Variants in PCDH11Y observed in about 807,000 individuals in gnomAD.
PCDH11Y encodes the protein protocadherin-11 Y-linked.
For synonymous variants in PCDH11Y, 9 were observed against 83.6 expected, an observed-to-expected ratio of 0.11 and a Z score of 4.87; for missense variants, 12 against 224.8, an observed-to-expected ratio of 0.05 and a Z score of 6.05.
downstream of PCDH11Y, among the ~76,000 whole-genome samples, chrY:5,108,663 C>T: frequency 7.4e-5 from 2 of 26,971 alleles, no homozygotes; most frequent in Non-Finnish European, 1.7e-4. Context: ...AGGAGAATGG[C>T]ACGAACCCGG....
chrY:5,534,734 T>C (rs2053398329), intron 3 of PCDH11Y, among the ~76,000 whole-genome samples: 23 of 33,433 alleles, frequency 6.9e-4, no homozygotes, highest in African/African-American at 2.7e-3. Context: ...GACTGCTGGG[T>C]CAAACGGTAA....
chrY:5,547,265 CTATCTATCTATCTATG>C (rs1283779449), intron 3 of PCDH11Y, among the ~76,000 whole-genome samples: 258 of 18,980 alleles, frequency 0.014, no homozygotes, highest in Non-Finnish European at 0.023. Flanking sequence ...ATCTATCTAT[CTATCTATCTATCTATG>C]TATCTATCTT....
chrY:5,501,532 G>A (rs2053354245), intron 3 of PCDH11Y, among the ~76,000 whole-genome samples: 1 of 33,196 alleles, frequency 3.0e-5, no homozygotes, highest in Non-Finnish European at 7.4e-5. Flanking sequence ...TAATTTATTT[G>A]TATATAAACA....
At chrY:5,258,416 C>CA (rs2053013774) in intron 2 of PCDH11Y, among the ~76,000 whole-genome samples, 1 of 26,634 alleles carries the variant, frequency 3.8e-5, no homozygotes, top group African/African-American at 1.4e-4. Context: ...TTTTCTTTTT[C>CA]TTTTTTTTTT....
intron 2 of PCDH11Y, among the ~76,000 whole-genome samples, chrY:5,301,637 C>G: frequency 3.0e-5 from 1 of 33,307 alleles, no homozygotes; most frequent in African/African-American, 1.2e-4. Context: ...TCTTTTTATA[C>G]ACATCATTTG....
chrY:5,496,670 A>G, intron 2 of PCDH11Y, among the ~76,000 whole-genome samples: 10 of 31,275 alleles, frequency 3.2e-4, no homozygotes, highest in Admixed American at 9.0e-4. Flanking sequence ...ATTATACTTA[A>G]GTTTTGGGAT....
intron 2 of PCDH11Y, among the ~76,000 whole-genome samples, chrY:5,189,274 T>C: frequency 2.9e-5 from 1 of 34,118 alleles, no homozygotes; most frequent in Non-Finnish European, 7.3e-5. Context: ...CATCACAGTC[T>C]TTGAATTAAA....
rs376930795 is a variant in PCDH11Y at position 5,697,473 on chromosome Y, T to A, written c.3353-39799T>A. Among the ~76,000 whole-genome samples the A allele has an allele frequency of 0.013, 441 of 33,033 alleles. No individual in the cohort carries two copies. In the Middle Eastern group the frequency reaches 0.22, roughly 16 times the overall value. The allele number at this position is 33,033 out of a possible 37,273, so 88.6% of individuals were successfully genotyped here. A position where few individuals can be genotyped will look rare whatever the true frequency, so the allele number is the denominator to read the frequency against. Reference sequence around the variant, plus strand: ...CTCTCACTATTATTGTGTGGGAGTCTAAGTCTCTTTGGAGGTCTCTAAGAA... The same window carrying A: ...CTCTCACTATTATTGTGTGGGAGTCAAAGTCTCTTTGGAGGTCTCTAAGAA... On this transcript the variant is annotated intron_variant, in intron 4 of 4. Transcript: ENST00000400457.
intron 2 of PCDH11Y, among the ~76,000 whole-genome samples, chrY:5,370,931 G>C: frequency 1.0e-4 from 3 of 28,805 alleles, no homozygotes. Flanking sequence ...TTGCACATAA[G>C]AGACAACCTC....
chrY:5,739,808 C>T (rs2053615143), exon 5 of PCDH11Y: 1 of 32,899 alleles, frequency 3.0e-5, no homozygotes, highest in Admixed American at 2.8e-4. Context: ...TTTTCTCCTT[C>T]GTGTTGTTAA....
intron 2 of PCDH11Y, among the ~76,000 whole-genome samples, chrY:5,223,942 A>G: frequency 1.6e-4 from 5 of 31,513 alleles, no homozygotes; most frequent in Admixed American, 1.2e-3. Context: ...ACCTTCAAAT[A>G]TGTGCATTGA....
chrY:5,601,302 G>T, intron 4 of PCDH11Y, among the ~76,000 whole-genome samples: 1 of 31,297 alleles, frequency 3.2e-5, no homozygotes, highest in Admixed American at 3.0e-4. Context: ...TATAAGAAAT[G>T]ACAGGAGGAC....
At chrY:5,718,171 T>G in intron 4 of PCDH11Y, among the ~76,000 whole-genome samples, 3 of 33,103 alleles carry the variant, frequency 9.1e-5, no homozygotes, top group African/African-American at 2.4e-4. Context: ...TAATACCTAA[T>G]ATTTGATAGT....
At chrY:5,578,590 A>C (rs2124697187) in intron 3 of PCDH11Y, among the ~76,000 whole-genome samples, 1 of 32,573 alleles carries the variant, frequency 3.1e-5, no homozygotes, top group Admixed American at 2.8e-4. Flanking sequence ...TTTCCACTGC[A>C]CTCCTGCCTG....
intron 2 of PCDH11Y, among the ~76,000 whole-genome samples, chrY:5,278,088 T>G: frequency 3.2e-5 from 1 of 31,668 alleles, no homozygotes; most frequent in African/African-American, 1.2e-4. Context: ...TATCATTTTT[T>G]GGGTTACTAT....
At chrY:5,362,004 G>A in intron 2 of PCDH11Y, among the ~76,000 whole-genome samples, 3 of 32,721 alleles carry the variant, frequency 9.2e-5, no homozygotes, top group African/African-American at 3.6e-4. Flanking sequence ...GTTCTAGCAG[G>A]CAATGAAGCA....
chrY:5,308,797 C>T lies in PCDH11Y; in HGVS notation c.3130-192260C>T, dbSNP rs2053093207. Among the ~76,000 whole-genome samples the T allele has an allele frequency of 9.3e-5, 3 of 32,163 alleles. No individual in the cohort carries two copies. In the East Asian group the frequency reaches 2.6e-3, roughly 28 times the overall value. The allele number at this position is 32,163 out of a possible 37,273, so 86.3% of individuals were successfully genotyped here. A position where few individuals can be genotyped will look rare whatever the true frequency, so the allele number is the denominator to read the frequency against. ...TAGTTTTTGAAAATTTGGAAGAGTT[C>T]GGGCCGGGTGCAGTGGCTAACGCCT... On this transcript the variant is annotated intron_variant, in intron 2 of 4. Coordinates refer to the PCDH11Y transcript ENST00000400457.
intron 2 of PCDH11Y, among the ~76,000 whole-genome samples, chrY:5,437,996 A>AT (rs2053276998): frequency 3.1e-5 from 1 of 32,460 alleles, no homozygotes; most frequent in African/African-American, 1.2e-4. Flanking sequence ...CACAGTTTCA[A>AT]TTTTTTTTCC....
intron 2 of PCDH11Y, among the ~76,000 whole-genome samples, chrY:5,472,052 A>T: frequency 9.4e-5 from 3 of 31,966 alleles, no homozygotes; most frequent in Non-Finnish European, 1.6e-4. Flanking sequence ...TCTTTAAAAC[A>T]TTGCAGGGAA....
Sources: gnomAD v4.1 joint callset for allele counts (sites outside exome capture counted in the v4.1 genomes callset) on GRCh38, gnomAD v4.1.1 for gene constraint, MANE v1.5 for transcripts, NCBI Gene and HGNC (gene_info 2026-07-23, HGNC 2026-07-21) for gene names.